The following PTPRD variants were observed in gnomAD, a reference collection of about 807,000 sequenced individuals.
The protein encoded by PTPRD is protein tyrosine phosphatase receptor type D, also known as receptor-type tyrosine-protein phosphatase delta.
PTPRD carries 34 observed loss-of-function variants against 214.5 expected under a neutral mutation model. The observed-to-expected ratio is 0.16, with a 90% CI of 0.12 to 0.21. PTPRD has a LOEUF of 0.21. Ranked by LOEUF, PTPRD falls within the 10% of genes least tolerant of loss-of-function variation. The pLI, the probability that PTPRD is intolerant of heterozygous loss-of-function variation, is 1.00. For synonymous variants in PTPRD, 1,128 were observed against 845.7 expected, an observed-to-expected ratio of 1.33 and a Z score of -5.79; for missense variants, 2,545 against 2,398.7, an observed-to-expected ratio of 1.06 and a Z score of -1.27.
intron 14 of PTPRD, among the ~76,000 whole-genome samples, chr9:8,611,415 C>CAG (rs1011569978): frequency 3.3e-5 from 5 of 152,046 alleles, no homozygotes; most frequent in African/African-American, 1.2e-4. Flanking sequence ...GAATAAAAAC[C>CAG]AGAGCAGGGC....
intron 3 of PTPRD, among the ~76,000 whole-genome samples, chr9:10,165,865 G>A (rs936089292): frequency 6.0e-5 from 9 of 150,772 alleles, no homozygotes; most frequent in African/African-American, 2.2e-4. Context: ...AAAGGCATGA[G>A]TTCTGTAAAA....
At chr9:8,337,208 T>C (rs903431923) in intron 43 of PTPRD, among the ~76,000 whole-genome samples, 2 of 152,156 alleles carry the variant, frequency 1.3e-5, no homozygotes, top group African/African-American at 4.8e-5. Context: ...CAAATGTCCA[T>C]CAATGATAGA....
chr9:9,512,252 T>C (rs1437611865), intron 8 of PTPRD, among the ~76,000 whole-genome samples: 1 of 151,888 alleles, frequency 6.6e-6, no homozygotes, highest in Non-Finnish European at 1.5e-5. Context: ...GTATGCAAGC[T>C]TTCTTCTGAC....
chr9:9,039,636 T>C (rs1478776504), intron 10 of PTPRD, among the ~76,000 whole-genome samples: 3 of 152,214 alleles, frequency 2.0e-5, no homozygotes, highest in African/African-American at 7.2e-5. Flanking sequence ...AAATATTTAC[T>C]ATCTGTCCCT....
rs1368488913 is a variant in PTPRD, at chr9:8,316,741, G to A, written c.*1133C>T. On this transcript the variant is annotated 3_prime_UTR_variant, in exon 46 of 46. Coordinates refer to ENST00000381196, the MANE Select transcript of PTPRD (RefSeq NM_002839.4). ...GGTTAGGTGGGGGTAGATTAGGTAGGAAATCAGGGGGTGAGGTTTGACAAT... is the reference window on the plus strand; with the variant it reads ...GGTTAGGTGGGGGTAGATTAGGTAGAAAATCAGGGGGTGAGGTTTGACAAT... The A allele has an allele frequency of 8.7e-6, 2 of 230,306 alleles. No individual in the cohort carries two copies. The highest frequency in any genetic ancestry group is 2.3e-5 in the African/African-American group (1 of 44,228). The allele number at this position is 230,306 out of a possible 1,614,324, so 14.3% of individuals were successfully genotyped here.
intron 11 of PTPRD, among the ~76,000 whole-genome samples, chr9:8,906,261 G>A (rs570180015): frequency 6.6e-6 from 1 of 152,092 alleles, no homozygotes; most frequent in African/African-American, 2.4e-5. Context: ...TGATAGCAAG[G>A]AGCTAAGCAC....
intron 10 of PTPRD, among the ~76,000 whole-genome samples, chr9:9,052,212 C>A (rs778138454): frequency 6.6e-6 from 1 of 152,146 alleles, no homozygotes; most frequent in Non-Finnish European, 1.5e-5. Flanking sequence ...TATTAGGATA[C>A]AATCCATTCA....
chr9:8,415,381 T>G (rs1411922769), intron 35 of PTPRD, among the ~76,000 whole-genome samples: 2 of 152,208 alleles, frequency 1.3e-5, no homozygotes, highest in African/African-American at 4.8e-5. Context: ...TGATTGGATA[T>G]GTATTCAATT....
At chr9:9,134,765 C>G (rs1371126322) in intron 10 of PTPRD, among the ~76,000 whole-genome samples, 1 of 152,030 alleles carries the variant, frequency 6.6e-6, no homozygotes, top group Non-Finnish European at 1.5e-5. Flanking sequence ...ATGATTCCTA[C>G]CAAGAGACTG....
intron 3 of PTPRD, among the ~76,000 whole-genome samples, chr9:10,177,771 A>G (rs1233001374): frequency 1.3e-5 from 2 of 151,924 alleles, no homozygotes; most frequent in African/African-American, 4.8e-5. Flanking sequence ...AGCTCTGCCT[A>G]TGTTCTGGAG....
At chr9:9,992,124 G>A (rs1406553912) in intron 4 of PTPRD, among the ~76,000 whole-genome samples, 1 of 152,120 alleles carries the variant, frequency 6.6e-6, no homozygotes. Flanking sequence ...CTGCTAATGG[G>A]TAAAAGTTTC....
chr9:9,037,616 C>G (rs1371715588), intron 10 of PTPRD, among the ~76,000 whole-genome samples: 2 of 152,126 alleles, frequency 1.3e-5, no homozygotes, highest in African/African-American at 4.8e-5. Context: ...TATTCCATAA[C>G]TAAGGGCTTA....
At chr9:9,609,930 C>A (rs185481585) in intron 7 of PTPRD, among the ~76,000 whole-genome samples, 339 of 152,278 alleles carry the variant, frequency 2.2e-3, no homozygotes, top group African/African-American at 7.7e-3. Flanking sequence ...GCTAATACTC[C>A]TGATTGGCAA....
chr9:8,725,004 T>C (rs183145719), intron 12 of PTPRD, among the ~76,000 whole-genome samples: 1 of 152,152 alleles, frequency 6.6e-6, no homozygotes, highest in Non-Finnish European at 1.5e-5. Flanking sequence ...AAATAACACA[T>C]GTAGTTTAGT....
chr9:8,776,106 T>C (rs527623023), intron 11 of PTPRD, among the ~76,000 whole-genome samples: 12 of 152,250 alleles, frequency 7.9e-5, no homozygotes, highest in East Asian at 7.8e-4. Context: ...GAGACTATCA[T>C]AGAATTTCCT....
At chr9:10,166,331 A>G (rs1271019617) in intron 3 of PTPRD, among the ~76,000 whole-genome samples, 1 of 150,558 alleles carries the variant, frequency 6.6e-6, no homozygotes, top group African/African-American at 2.4e-5. Flanking sequence ...CAGCAGGCAT[A>G]TTAACTGAAC....
At chr9:8,693,999 A>T (rs900221672) in intron 12 of PTPRD, among the ~76,000 whole-genome samples, 2 of 152,218 alleles carry the variant, frequency 1.3e-5, no homozygotes, top group African/African-American at 4.8e-5. Flanking sequence ...AGCATTGGAA[A>T]TCTCAAAAGA....
intron 8 of PTPRD, among the ~76,000 whole-genome samples, chr9:9,441,850 G>C (rs2088014088): frequency 6.6e-6 from 1 of 152,194 alleles, no homozygotes; most frequent in African/African-American, 2.4e-5. Context: ...ATTGTTATAA[G>C]TGATAAAATT....
At chr9:9,774,751 A>G (rs1369722875) in intron 5 of PTPRD, among the ~76,000 whole-genome samples, 1 of 152,214 alleles carries the variant, frequency 6.6e-6, no homozygotes, top group Non-Finnish European at 1.5e-5. Context: ...AGTAAATGCT[A>G]ATCATTACAG....
Sources: gnomAD v4.1 joint callset for allele counts (sites outside exome capture counted in the v4.1 genomes callset) on GRCh38, gnomAD v4.1.1 for gene constraint, MANE v1.5 for transcripts, NCBI Gene and HGNC (gene_info 2026-07-23, HGNC 2026-07-21) for gene names.